Variants in NXPE2 observed in about 807,000 individuals in gnomAD.
NXPE2 encodes the protein neurexophilin and PC-esterase domain family member 2, also known as NXPE family member 2.
NXPE2 carries 34 observed loss-of-function variants against 34.4 expected under a neutral mutation model. That is an observed-to-expected ratio of 0.99 (90% CI 0.75 to 1.31). NXPE2 has a LOEUF of 1.31. NXPE2 is among the 40% of genes most tolerant of loss of function. NXPE2 has a pLI of 0.00. For missense variants in NXPE2, 649 were observed against 672.5 expected (o/e 0.97, Z 0.39); for synonymous variants, 235 against 231.3 (o/e 1.02, Z -0.15).
chr11:114,812,869 T>C, the NXPE2 span, among the ~76,000 whole-genome samples: 11,375 of 152,232 alleles, frequency 0.075, 476 homozygotes, highest in South Asian at 0.096. Flanking sequence ...TAGTTTGTAC[T>C]GTGTTATTTC....
chr11:114,687,209 T>C (rs1239462640), intron 2 of NXPE2, among the ~76,000 whole-genome samples: 1 of 152,154 alleles, frequency 6.6e-6, no homozygotes, highest in Non-Finnish European at 1.5e-5. Context: ...TAGAAGAGTA[T>C]TTCCCAAGTT....
chr11:114,541,056 A>C, the NXPE2 span, among the ~76,000 whole-genome samples: 201 of 152,020 alleles, frequency 1.3e-3, no homozygotes, highest in African/African-American at 4.7e-3. Context: ...AGCAATCTGC[A>C]GCTAGTCAGA....
At chr11:114,509,313 A>T in the NXPE2 span, among the ~76,000 whole-genome samples, 1 of 152,248 alleles carries the variant, frequency 6.6e-6, no homozygotes, top group East Asian at 1.9e-4. Context: ...ATGCTTTTAC[A>T]CTGTTAGTGG....
At chr11:114,746,193 C>T in the NXPE2 span, among the ~76,000 whole-genome samples, 711 of 152,112 alleles carry the variant, frequency 4.7e-3, 3 homozygotes, top group African/African-American at 0.015. Flanking sequence ...CATAATTTTT[C>T]GCAGTCATGT....
At chr11:114,644,573 A>T in the NXPE2 span, among the ~76,000 whole-genome samples, 1 of 152,198 alleles carries the variant, frequency 6.6e-6, no homozygotes, top group Admixed American at 6.5e-5. Flanking sequence ...CTAAAATTAA[A>T]ATAAGATATA....
chr11:114,723,540 A>G, the NXPE2 span, among the ~76,000 whole-genome samples: 1 of 152,200 alleles, frequency 6.6e-6, no homozygotes, highest in African/African-American at 2.4e-5. Flanking sequence ...GATGAGATTT[A>G]TATTTGTGTA....
At chr11:114,577,674 G>A in the NXPE2 span, among the ~76,000 whole-genome samples, 1 of 152,166 alleles carries the variant, frequency 6.6e-6, no homozygotes, top group East Asian at 1.9e-4. Context: ...TTCCTTGGAG[G>A]ATTATGTGGT....
chr11:114,486,937 C>T, the NXPE2 span, among the ~76,000 whole-genome samples: 1 of 152,042 alleles, frequency 6.6e-6, no homozygotes, highest in Non-Finnish European at 1.5e-5. Context: ...TGTGATTTCT[C>T]CAGTTCTGTT....
At chr11:114,621,096 C>T in the NXPE2 span, among the ~76,000 whole-genome samples, 1 of 152,082 alleles carries the variant, frequency 6.6e-6, no homozygotes, top group Non-Finnish European at 1.5e-5. Flanking sequence ...AGTATTGGCA[C>T]ATGGGAAACC....
At chr11:114,615,047 TAA>T in the NXPE2 span, among the ~76,000 whole-genome samples, 9 of 151,856 alleles carry the variant, frequency 5.9e-5, no homozygotes, top group African/African-American at 1.9e-4. Flanking sequence ...CACTGGATAA[TAA>T]GTGTTGCCTC....
At chr11:114,485,107 T>C in the NXPE2 span, among the ~76,000 whole-genome samples, 1 of 152,224 alleles carries the variant, frequency 6.6e-6, no homozygotes, top group African/African-American at 2.4e-5. Context: ...TATTTTGATA[T>C]AGGCATACAA....
At chr11:114,713,253 G>C in the NXPE2 span, among the ~76,000 whole-genome samples, 6,442 of 152,140 alleles carry the variant, frequency 0.042, 441 homozygotes, top group African/African-American at 0.15. Context: ...TGGTTAAGAG[G>C]ATAAATTTAA....
chr11:114,807,620 T>A, the NXPE2 span, among the ~76,000 whole-genome samples: 1 of 151,320 alleles, frequency 6.6e-6, no homozygotes, highest in African/African-American at 2.4e-5. Context: ...GGTAAAGGGA[T>A]CAATTCAACA....
chr11:114,757,183 C>G, the NXPE2 span, among the ~76,000 whole-genome samples: 1 of 152,102 alleles, frequency 6.6e-6, no homozygotes, highest in African/African-American at 2.4e-5. Context: ...AATGTATCCT[C>G]ATAACATACA....
At chr11:114,747,204 G>A in the NXPE2 span, among the ~76,000 whole-genome samples, 21 of 152,196 alleles carry the variant, frequency 1.4e-4, no homozygotes, top group Middle Eastern at 3.4e-3. Flanking sequence ...TTTAAAAAGG[G>A]GTTTTTAAAT....
chr11:114,637,278 A>T, the NXPE2 span, among the ~76,000 whole-genome samples: 2 of 151,710 alleles, frequency 1.3e-5, no homozygotes, highest in African/African-American at 4.8e-5. Context: ...AGAGACTAGG[A>T]TTGCAATCCC....
the NXPE2 span, among the ~76,000 whole-genome samples, chr11:114,744,881 C>A: frequency 1.3e-5 from 2 of 151,958 alleles, no homozygotes; most frequent in Non-Finnish European, 2.9e-5. Flanking sequence ...TAAAACAGAA[C>A]AATTACTATG....
the NXPE2 span, among the ~76,000 whole-genome samples, chr11:114,587,670 G>C: frequency 1.3e-5 from 2 of 152,168 alleles, no homozygotes; most frequent in African/African-American, 4.8e-5. Context: ...AGGGAAAACA[G>C]TTGGGGGGAT....
the NXPE2 span, among the ~76,000 whole-genome samples, chr11:114,555,348 T>G: frequency 6.6e-6 from 1 of 152,216 alleles, no homozygotes; most frequent in South Asian, 2.1e-4. Context: ...CTCAGCCTCC[T>G]GAGTAGCTGG....
Sources: allele counts gnomAD v4.1 joint callset (sites outside exome capture counted in the v4.1 genomes callset), GRCh38; gene constraint gnomAD v4.1.1; transcripts MANE v1.5; gene names NCBI Gene and HGNC (gene_info 2026-07-23, HGNC 2026-07-21).